Variants in ZNF536 observed in about 807,000 individuals in gnomAD.
The protein encoded by ZNF536 is zinc finger protein 536.
ZNF536 carries 13 observed loss-of-function variants against 84.5 expected under a neutral mutation model. The ratio of observed to expected loss-of-function variants is 0.15; its 90% CI spans 0.10 to 0.24. The LOEUF is 0.24. ZNF536 is among the 10% of genes least tolerant of loss of function. The pLI, the probability that ZNF536 is intolerant of heterozygous loss-of-function variation, is 1.00. For missense variants in ZNF536, 1,536 were observed against 1,747.5 expected (o/e 0.88, Z 2.16); for synonymous variants, 811 against 742.5 (o/e 1.09, Z -1.50).
chr19:30,413,546 T>G (rs2050584897), intron 1 of ZNF536, among the ~76,000 whole-genome samples: 1 of 152,236 alleles, frequency 6.6e-6, no homozygotes, highest in Admixed American at 6.5e-5. Context: ...CATGGATGTT[T>G]GTAAAGAATT....
chr19:30,348,777 C>A (rs946603879), intron 2 of ZNF536, among the ~76,000 whole-genome samples: 1 of 152,012 alleles, frequency 6.6e-6, no homozygotes, highest in Non-Finnish European at 1.5e-5. Context: ...TCTTCTTTCA[C>A]CAAAGAGTTT....
At chr19:30,342,259 A>G (rs1414710670) in intron 2 of ZNF536, among the ~76,000 whole-genome samples, 3 of 152,134 alleles carry the variant, frequency 2.0e-5, no homozygotes, top group Non-Finnish European at 4.4e-5. Context: ...ACAGTGTTTG[A>G]TTTTTGCCGT....
intron 1 of ZNF536, among the ~76,000 whole-genome samples, chr19:30,701,350 GAC>G (rs894153667): frequency 2.4e-5 from 3 of 126,340 alleles, no homozygotes; most frequent in East Asian, 4.6e-4. Flanking sequence ...CACACACACA[GAC>G]ACACACAAAC....
chr19:30,595,162 C>T (rs1437641896), intron 1 of ZNF536, among the ~76,000 whole-genome samples: 1 of 152,172 alleles, frequency 6.6e-6, no homozygotes, highest in Non-Finnish European at 1.5e-5. Flanking sequence ...CCAGGCCTGG[C>T]CCTCTGCTTT....
chr19:30,624,426 C>G (rs1270432247), intron 1 of ZNF536, among the ~76,000 whole-genome samples: 1 of 152,192 alleles, frequency 6.6e-6, no homozygotes, highest in Non-Finnish European at 1.5e-5. Context: ...AATGATCTAA[C>G]AGTGTTGGGA....
intron 2 of ZNF536, among the ~76,000 whole-genome samples, chr19:30,503,678 C>T (rs906419570): frequency 2.6e-5 from 4 of 152,186 alleles, no homozygotes; most frequent in African/African-American, 9.7e-5. Flanking sequence ...TGGCATCACC[C>T]TTGGGTGGGC....
intron 1 of ZNF536, among the ~76,000 whole-genome samples, chr19:30,274,005 T>C (rs1353675387): frequency 1.3e-5 from 2 of 152,254 alleles, no homozygotes; most frequent in African/African-American, 4.8e-5. Flanking sequence ...TCTAATATCT[T>C]GTATATTCCA....
At chr19:30,496,572 C>T (rs1288525486) in intron 2 of ZNF536, among the ~76,000 whole-genome samples, 1 of 152,142 alleles carries the variant, frequency 6.6e-6, no homozygotes, top group African/African-American at 2.4e-5. Flanking sequence ...AGTCTGTTAA[C>T]TGAAGGAACA....
At chr19:30,236,533 G>GT (rs145366891) in intron 1 of ZNF536, among the ~76,000 whole-genome samples, 3 of 151,520 alleles carry the variant, frequency 2.0e-5, no homozygotes, top group African/African-American at 4.8e-5. Context: ...TTGGGGCGGG[G>GT]GGGGGGTACA....
chr19:30,360,105 G>C (rs1004193791), intron 3 of ZNF536, among the ~76,000 whole-genome samples: 5 of 152,232 alleles, frequency 3.3e-5, no homozygotes, highest in African/African-American at 4.8e-5. Flanking sequence ...CTTCAGAGCT[G>C]GGGGAGGAGA....
chr19:30,422,552 G>A (rs1450010578), intron 1 of ZNF536, among the ~76,000 whole-genome samples: 2 of 152,156 alleles, frequency 1.3e-5, no homozygotes, highest in Admixed American at 6.5e-5. Context: ...CCTGCTCTCA[G>A]TTTGGGTATC....
intron 1 of ZNF536, among the ~76,000 whole-genome samples, chr19:30,432,437 C>G (rs1466815419): frequency 6.6e-6 from 1 of 152,112 alleles, no homozygotes; most frequent in Non-Finnish European, 1.5e-5. Context: ...CGGGTCAAAT[C>G]CAGGAAGGTT....
chr19:30,704,924 CTT>C (rs60002455), intron 1 of ZNF536, among the ~76,000 whole-genome samples: 1 of 141,980 alleles, frequency 7.0e-6, no homozygotes. Context: ...GAGCTCAGCA[CTT>C]TTTTTTTTTT....
At chr19:30,471,211 C>T (rs1048789060) in intron 2 of ZNF536, among the ~76,000 whole-genome samples, 2 of 152,168 alleles carry the variant, frequency 1.3e-5, no homozygotes, top group African/African-American at 4.8e-5. Context: ...GGACCATTCT[C>T]ATCACATCGT....
chr19:30,588,103 G>A (rs149319249), intron 1 of ZNF536, among the ~76,000 whole-genome samples: 41 of 152,292 alleles, frequency 2.7e-4, no homozygotes, highest in Middle Eastern at 6.8e-3. Context: ...TCCCTCAGGC[G>A]GCAGCTGTGC....
intron 1 of ZNF536, among the ~76,000 whole-genome samples, chr19:30,425,220 T>A (rs2051159353): frequency 6.6e-6 from 1 of 150,962 alleles, no homozygotes; most frequent in African/African-American, 2.4e-5. Flanking sequence ...AAACGCCACG[T>A]GTTCCCCAAA....
intron 1 of ZNF536, among the ~76,000 whole-genome samples, chr19:30,602,841 G>T (rs1256242017): frequency 1.3e-5 from 2 of 152,162 alleles, no homozygotes; most frequent in East Asian, 3.8e-4. Flanking sequence ...CAAGCGGCTG[G>T]CTGGGTACTC....
intron 1 of ZNF536, among the ~76,000 whole-genome samples, chr19:30,640,483 A>C (rs2049229122): frequency 6.6e-6 from 1 of 152,322 alleles, no homozygotes; most frequent in Non-Finnish European, 1.5e-5. Flanking sequence ...CTTCTGACTC[A>C]GCACACCAAA....
intron 1 of ZNF536, among the ~76,000 whole-genome samples, chr19:30,581,713 G>A (rs1329104596): frequency 1.3e-5 from 2 of 151,330 alleles, no homozygotes; most frequent in Admixed American, 6.6e-5. Flanking sequence ...CGAGGTGGGC[G>A]GATCACGAGG....
Sources: gnomAD v4.1 joint callset for allele counts (sites outside exome capture counted in the v4.1 genomes callset) on GRCh38, gnomAD v4.1.1 for gene constraint, MANE v1.5 for transcripts, NCBI Gene and HGNC (gene_info 2026-07-23, HGNC 2026-07-21) for gene names.